The following FANCD2 variants were observed in gnomAD, a reference collection of about 807,000 sequenced individuals.
FANCD2 encodes the protein FA complementation group D2, also known as Fanconi anemia group D2 protein.
In FANCD2, 131 loss-of-function variants were observed where a neutral mutation model predicts 192.3. The observed-to-expected ratio is 0.68, with a 90% CI of 0.59 to 0.79. FANCD2 has a LOEUF of 0.79. FANCD2 is among the 30% of genes least tolerant of loss of function. The pLI is 0.00. For missense variants in FANCD2, 1,508 were observed against 1,701.6 expected (o/e 0.89, Z 2.00); for synonymous variants, 524 against 612.5 (o/e 0.86, Z 2.13).
In FANCD2 at chr3:10,051,982, T is replaced by G. The variant is rs552306983; in HGVS notation, c.1546-405T>G. On this transcript the variant is annotated intron_variant, in intron 17 of 43. Coordinates refer to ENST00000675286, the MANE Select transcript of FANCD2 (RefSeq NM_001018115.3). ...AATAGGGTAAAGACATAACTTTTGG[T>G]AGAATATTGTTTTCACTGAAAAAAA... 3.3e-5 allele frequency among the ~76,000 whole-genome samples: 5 copies of G among 151,490 alleles called. No individual in the cohort carries two copies. In the South Asian group the frequency reaches 1.1e-3, roughly 32 times the overall value.
chr3:10,053,347 G>A (rs1222965218), intron 18 of FANCD2, among the ~76,000 whole-genome samples: 1 of 141,230 alleles, frequency 7.1e-6, no homozygotes, highest in African/African-American at 2.6e-5. Flanking sequence ...ATGGGCACAG[G>A]AAGGGGAACA....
In FANCD2 at chr3:10,095,382, T is replaced by C; in HGVS notation, c.4038+108T>C. On this transcript the variant is annotated intron_variant, in intron 41 of 43. Transcript: ENST00000675286. ...CCTTCTTCCTTTATATCTGGGACTG[T>C]GTCTGTCCAAAGGCAGTTTATTCAG... The C allele has an allele frequency of 4.3e-6, 4 of 928,072 alleles. No homozygotes were observed. In the South Asian group the frequency reaches 5.6e-5, roughly 13 times the overall value. 57.5% of individuals were successfully genotyped at this position (928,072 alleles called of 1,614,324 possible).
In FANCD2 at chr3:10,067,218, G is replaced by C. The variant is rs779746715; in HGVS notation, c.2395G>C (p.Ala799Pro). Residue 799 changes from alanine to proline, a missense_variant, in exon 26 of 44, where the codon GCC becomes CCC. Transcript: ENST00000675286. ...TLNWFREIVN[A>P]FCQETSPEMK... is the part of the protein sequence containing the mutation. ...AATTTGTACTTTGCAGATTGTAAAT[G>C]CCTTCTGCCAGGAAACATCACCTGA... 1 of 1,606,458 alleles carries C rather than the reference G, an allele frequency of 6.2e-7. No individual in the cohort carries two copies. The highest frequency in any genetic ancestry group is 8.5e-7 in the Non-Finnish European group (1 of 1,173,200).
At chr3:10,075,716 A>C (rs1185728520) in intron 29 of FANCD2, among the ~76,000 whole-genome samples, 2 of 148,892 alleles carry the variant, frequency 1.3e-5, no homozygotes, top group Non-Finnish European at 3.0e-5. Flanking sequence ...CCTTCAGAAC[A>C]GAAATAGTAT....
intron 9 of FANCD2, chr3:10,040,263 C>T (rs1449959858): frequency 1.8e-5 from 6 of 331,528 alleles, no homozygotes; most frequent in South Asian, 9.8e-5. Context: ...GTCTCGATCT[C>T]CTGACCTTGT....
chr3:10,069,706 C>T (rs1428481078), intron 26 of FANCD2, among the ~76,000 whole-genome samples: 3 of 152,108 alleles, frequency 2.0e-5, no homozygotes, highest in South Asian at 4.1e-4. Context: ...GCGAGTGATC[C>T]GCTAGCCTCA....
rs1424463209 is a variant in FANCD2, at chr3:10,041,940, C to A, written c.783+230C>A. ...TTGAGACGGAGTATCACTCTGTCAC[C>A]CAGGCTGGAGTGCAGTGGTGCAATC... On this transcript the variant is annotated intron_variant, in intron 10 of 43. Transcript: ENST00000675286. 1.3e-5 allele frequency among the ~76,000 whole-genome samples: 2 copies of A among 150,928 alleles called. 1 individual carries two copies. The highest frequency in any genetic ancestry group is 2.9e-5 in the Non-Finnish European group (2 of 67,830).
chr3:10,041,842 C>CTT (rs201603399), intron 10 of FANCD2, 132 bp downstream of exon 10: 1,180 of 543,660 alleles, frequency 2.2e-3, no homozygotes, highest in Non-Finnish European at 2.6e-3. Context: ...TGATATCTCT[C>CTT]TTTTTTTTTT....
chr3:10,101,206 GT>G lies in FANCD2; in HGVS notation c.4301del (p.Val1434GlufsTer39), dbSNP rs753084670. 6 of 1,613,276 alleles carry G rather than the reference GT, an allele frequency of 3.7e-6. No individual in the cohort carries two copies. The highest frequency in any genetic ancestry group is 1.3e-5 in the African/African-American group (1 of 75,004). Reference sequence around the variant, plus strand: ...CCCTTAGGATGGTGAAGAAGACGAAGTAAGTGCTGGAGAAAAGGAGCAAGAT... The same window carrying G: ...CCCTTAGGATGGTGAAGAAGACGAAGAAGTGCTGGAGAAAAGGAGCAAGAT... ...KATEDGEEDE[V>X]SAGEKEQDSD... On this transcript the variant is annotated frameshift_variant, in exon 44 of 44. Transcript: ENST00000675286. LOFTEE classifies it high-confidence loss of function.
At position 10,080,725 on chromosome 3, in the gene FANCD2, C is replaced by T. The variant is rs1053102160; in HGVS notation, c.2977-375C>T. On this transcript the variant is annotated intron_variant, in intron 30 of 43. Coordinates refer to ENST00000675286, the MANE Select transcript of FANCD2 (RefSeq NM_001018115.3). ...ATTCAAGGCTGCAGTGAGCTGTGAT[C>T]GTGCCACTGCACTCCAGCCTGGGTG... Among the ~76,000 whole-genome samples the T allele has an allele frequency of 2.0e-5, 3 of 152,096 alleles. No homozygotes were observed. In the South Asian group the frequency reaches 6.2e-4, roughly 32 times the overall value.
rs587778329 is a variant in FANCD2, at chr3:10,072,943, C to G, written c.2567C>G (p.Thr856Ser). ...ETLDITPHTVTAISAKIRKKG... is the reference protein window; with the variant it reads ...ETLDITPHTVSAISAKIRKKG... ...TTAGATATAACACCTCATACTGTTA[C>G]TGCTATTTCAGCAAAAATCAGAAAG... The change falls in exon 27 of 44, where the codon ACT becomes AGT. Residue 856 changes from threonine (T) to serine (S), a missense_variant. By Grantham distance (58) the Thr-to-Ser change is moderately conservative. This residue lies in a region of FANCD2 where 796 missense variants were observed against 879.4 expected (regional missense o/e 0.91). Transcript: ENST00000675286. The G allele has an allele frequency of 4.3e-6, 7 of 1,609,220 alleles. No individual in the cohort carries two copies. The African/African-American group carries it at 6.7e-5, about 15-fold the overall frequency.
At chr3:10,061,974 G>GT (rs1255180298) in intron 19 of FANCD2, among the ~76,000 whole-genome samples, 177 bp from the exon 20 acceptor site, 1 of 146,784 alleles carries the variant, frequency 6.8e-6, no homozygotes, top group Admixed American at 6.9e-5. Flanking sequence ...ATGTTGTGGG[G>GT]TGGGGGAGGG....
chr3:10,076,913 G>A (rs1389627960), intron 29 of FANCD2, among the ~76,000 whole-genome samples: 1 of 152,052 alleles, frequency 6.6e-6, no homozygotes, highest in Non-Finnish European at 1.5e-5. Context: ...CACCACATCA[G>A]CTAATTTTTG....
chr3:10,094,390 A>G, intron 40 of FANCD2, 27 bp downstream of exon 40: 1 of 1,583,862 alleles, frequency 6.3e-7, no homozygotes. Context: ...GAGAACAAAG[A>G]TATGCACTGA....
chr3:10,053,808 G>A (rs1458646295), intron 18 of FANCD2, among the ~76,000 whole-genome samples: 1 of 152,122 alleles, frequency 6.6e-6, no homozygotes, highest in Non-Finnish European at 1.5e-5. Flanking sequence ...ATGGGTCTGT[G>A]ATCAGCTAAC....
chr3:10,082,470 T>C (rs1420709448), intron 32 of FANCD2, among the ~76,000 whole-genome samples: 3 of 152,190 alleles, frequency 2.0e-5, no homozygotes, highest in Non-Finnish European at 4.4e-5. Flanking sequence ...TTCTGATTGC[T>C]CTTAGATTTT....
Position 10,038,909 on chromosome 3 carries a change from G to A in FANCD2, c.492-370G>A, listed in dbSNP as rs185838244. Among the ~76,000 whole-genome samples the A allele has an allele frequency of 1.2e-4, 19 of 152,180 alleles. No individual in the cohort carries two copies. The East Asian group carries it at 2.5e-3, about 20-fold the overall frequency. On this transcript the variant is annotated intron_variant, in intron 7 of 43. Coordinates refer to ENST00000675286, the MANE Select transcript of FANCD2 (RefSeq NM_001018115.3). Reference sequence around the variant, plus strand: ...GCTTGCCTTTTTAAGCACTTACTGCGTTGATGTTATTAGTGTCTTACCTTT... The same window carrying A: ...GCTTGCCTTTTTAAGCACTTACTGCATTGATGTTATTAGTGTCTTACCTTT...
At chr3:10,097,776 G>A (rs1205024232) in intron 42 of FANCD2, among the ~76,000 whole-genome samples, 3 of 152,322 alleles carry the variant, frequency 2.0e-5, no homozygotes, top group Admixed American at 1.3e-4. Flanking sequence ...TGGGGAAGTG[G>A]TAAGTGTCCA....
chr3:10,092,056 A>G lies in FANCD2; in HGVS notation c.3778-125A>G, dbSNP rs1447190346. The G allele has an allele frequency of 9.9e-6, 8 of 809,428 alleles. No homozygotes were observed. In the African/African-American group the frequency reaches 1.2e-4, roughly 12 times the overall value. 50.1% of individuals were successfully genotyped at this position (809,428 alleles called of 1,614,324 possible). On this transcript the variant is annotated intron_variant, in intron 37 of 43. Coordinates refer to ENST00000675286, the MANE Select transcript of FANCD2 (RefSeq NM_001018115.3). ...ATCTTGTGGATGCACTGGTTGCTACATCTAAGGATAATTGGCTTAAATATC... is the reference window on the plus strand; with the variant it reads ...ATCTTGTGGATGCACTGGTTGCTACGTCTAAGGATAATTGGCTTAAATATC...
Sources: allele counts gnomAD v4.1 joint callset (sites outside exome capture counted in the v4.1 genomes callset), GRCh38; gene constraint gnomAD v4.1.1; regional missense constraint gnomAD v4.1.1; transcripts MANE v1.5; gene names NCBI Gene and HGNC (gene_info 2026-07-23, HGNC 2026-07-21).